The following SCFD2 variants were observed in gnomAD, a reference collection of about 807,000 sequenced individuals.
SCFD2 encodes the protein sec1 family domain-containing protein 2.
Under a neutral mutation model 58.9 loss-of-function variants are expected in SCFD2, and 54 were observed. That is an observed-to-expected ratio of 0.92 (90% CI 0.74 to 1.15). The LOEUF (loss-of-function observed/expected upper bound fraction) is 1.15. Among genes scored for constraint, SCFD2 ranks in the 50% most tolerant of loss-of-function variants. The pLI, the probability that SCFD2 is intolerant of heterozygous loss-of-function variation, is 0.00. For synonymous variants in SCFD2, 321 were observed against 335.9 expected, an observed-to-expected ratio of 0.96 and a Z score of 0.49; for missense variants, 805 against 836.6, an observed-to-expected ratio of 0.96 and a Z score of 0.47.
intron 4 of SCFD2, among the ~76,000 whole-genome samples, chr4:53,209,539 C>A (rs1728538293): frequency 6.6e-6 from 1 of 152,082 alleles, no homozygotes. Flanking sequence ...AACATAATTT[C>A]ATTATACAGT....
At chr4:53,279,608 T>G (rs1385386080) in intron 3 of SCFD2, among the ~76,000 whole-genome samples, 3 of 152,232 alleles carry the variant, frequency 2.0e-5, no homozygotes, top group African/African-American at 7.2e-5. Flanking sequence ...AGTTTGTGAT[T>G]CTTATGATAT....
chr4:53,190,084 T>C (rs1006091552), intron 4 of SCFD2, among the ~76,000 whole-genome samples: 1 of 152,044 alleles, frequency 6.6e-6, no homozygotes, highest in Non-Finnish European at 1.5e-5. Flanking sequence ...TAATCTGGAG[T>C]CACATTCCAA....
chr4:53,332,410 G>A (rs1301765028), intron 2 of SCFD2, among the ~76,000 whole-genome samples: 7 of 151,434 alleles, frequency 4.6e-5, no homozygotes, highest in African/African-American at 1.7e-4. Context: ...TGATCAAGTG[G>A]GCTTCATCCC....
chr4:53,188,302 G>T (rs150543537), intron 4 of SCFD2, among the ~76,000 whole-genome samples: 46 of 152,228 alleles, frequency 3.0e-4, no homozygotes, highest in African/African-American at 1.1e-3. Flanking sequence ...ATTGCTTTCT[G>T]CAAATTTAAA....
chr4:53,232,632 C>A (rs1729474086), intron 4 of SCFD2, among the ~76,000 whole-genome samples: 1 of 152,162 alleles, frequency 6.6e-6, no homozygotes. Flanking sequence ...CAACACAATA[C>A]TGCAAGTCAT....
rs59321045 is a variant in SCFD2 at position 53,258,538 on chromosome 4, G to GTATATATATATA, written c.1311+15276_1311+15287dup. Among the ~76,000 whole-genome samples the GTATATATATATA allele has an allele frequency of 3.6e-3, 435 of 119,640 alleles. 6 individuals carry two copies. Among genetic ancestry groups the GTATATATATATA allele is most frequent in the African/African-American group, 7.1e-3 (206 of 29,098 alleles). The allele number at this position is 119,640 out of a possible 152,430, so 78.5% of individuals were successfully genotyped here. A position where few individuals can be genotyped will look rare whatever the true frequency, so the allele number is the denominator to read the frequency against. ...CTAAGTCGTATTCCATGGTGTGTGT[G>GTATATATATATA]TATATATATATATATATATATATAT... On this transcript the variant is annotated intron_variant, in intron 4 of 8. Coordinates refer to ENST00000401642, the MANE Select transcript of SCFD2 (RefSeq NM_152540.4).
At chr4:53,090,635 C>G (rs1406618537) in intron 5 of SCFD2, among the ~76,000 whole-genome samples, 1 of 152,154 alleles carries the variant, frequency 6.6e-6, no homozygotes, top group Non-Finnish European at 1.5e-5. Context: ...CAAGTGGGAT[C>G]TTTAGTAACC....
chr4:53,014,747 G>A (rs541176449), intron 5 of SCFD2, among the ~76,000 whole-genome samples: 154 of 152,284 alleles, frequency 1.0e-3, no homozygotes, highest in African/African-American at 3.5e-3. Flanking sequence ...GGAGATAAAT[G>A]CTTCTTGAAT....
At chr4:53,330,891 A>T (rs994159632) in intron 2 of SCFD2, among the ~76,000 whole-genome samples, 1 of 151,988 alleles carries the variant, frequency 6.6e-6, no homozygotes, top group African/African-American at 2.4e-5. Context: ...AAATAAAAGG[A>T]TGGAGGAAGA....
intron 5 of SCFD2, among the ~76,000 whole-genome samples, chr4:53,120,981 C>T (rs116499883): frequency 7.6e-4 from 115 of 152,296 alleles, no homozygotes; most frequent in African/African-American, 2.6e-3. Context: ...GAGTTCTATT[C>T]GTAGATTCAC....
chr4:52,989,068 C>G (rs1721563888), intron 5 of SCFD2, among the ~76,000 whole-genome samples: 1 of 152,168 alleles, frequency 6.6e-6, no homozygotes, highest in Non-Finnish European at 1.5e-5. Flanking sequence ...CAAAGAACAT[C>G]AGAGTTGCTC....
chr4:53,311,705 A>T (rs1732697312), intron 3 of SCFD2, among the ~76,000 whole-genome samples: 1 of 151,240 alleles, frequency 6.6e-6, no homozygotes, highest in African/African-American at 2.4e-5. Flanking sequence ...GCGCAATCTC[A>T]GCTCACTGGA....
At chr4:53,301,903 C>A (rs370551388) in intron 3 of SCFD2, among the ~76,000 whole-genome samples, 3 of 152,016 alleles carry the variant, frequency 2.0e-5, no homozygotes, top group Non-Finnish European at 2.9e-5. Flanking sequence ...ATTCAACAAC[C>A]CTCCATGCTA....
At chr4:53,055,803 T>G (rs1723320591) in intron 5 of SCFD2, among the ~76,000 whole-genome samples, 1 of 152,090 alleles carries the variant, frequency 6.6e-6, no homozygotes. Flanking sequence ...GCACAGTATA[T>G]TTAGTGTGGC....
intron 5 of SCFD2, among the ~76,000 whole-genome samples, chr4:53,118,351 G>A (rs1200379463): frequency 6.6e-6 from 1 of 152,116 alleles, no homozygotes; most frequent in African/African-American, 2.4e-5. Flanking sequence ...AGTGACATAA[G>A]TCATATTGGT....
Position 53,323,765 on chromosome 4 carries a change from G to A in SCFD2, c.1008-10002C>T, listed in dbSNP as rs1249145305. ...GTAAGATAAATAATTCTGTGTGTGT[G>A]TATGTGTGTGTATTGTGTGACAAAA... On this transcript the variant is annotated intron_variant, in intron 2 of 8. Coordinates refer to ENST00000401642, the MANE Select transcript of SCFD2 (RefSeq NM_152540.4). Among the ~76,000 whole-genome samples, 7 of 152,054 alleles carry A rather than the reference G, an allele frequency of 4.6e-5. No individual in the cohort carries two copies. In the South Asian group the frequency reaches 6.2e-4, roughly 14 times the overall value.
chr4:52,874,203 C>A (rs1577788652), intron 8 of SCFD2, 142 bp from the exon 9 acceptor site: 1 of 640,728 alleles, frequency 1.6e-6, no homozygotes, highest in Admixed American at 2.3e-5. Context: ...TAGAAGGCAG[C>A]CAGCTGAATG....
intron 5 of SCFD2, among the ~76,000 whole-genome samples, chr4:53,098,892 T>C (rs930551536): frequency 7.9e-5 from 12 of 152,196 alleles, no homozygotes; most frequent in African/African-American, 2.2e-4. Context: ...TGTAATATTA[T>C]TTGTTTCCAT....
intron 3 of SCFD2, among the ~76,000 whole-genome samples, chr4:53,290,214 T>C (rs1172914238): frequency 6.6e-6 from 1 of 152,136 alleles, no homozygotes; most frequent in Non-Finnish European, 1.5e-5. Context: ...ATACACTATA[T>C]GTGAGGCCAC....
Sources: gnomAD v4.1 joint callset for allele counts (sites outside exome capture counted in the v4.1 genomes callset) on GRCh38, gnomAD v4.1.1 for gene constraint, MANE v1.5 for transcripts, NCBI Gene and HGNC (gene_info 2026-07-23, HGNC 2026-07-21) for gene names.